The following BACH1 variants were observed in gnomAD, a reference collection of about 807,000 sequenced individuals.
The protein encoded by BACH1 is transcription regulator protein BACH1.
In BACH1, 35 loss-of-function variants were observed where a neutral mutation model predicts 52.9. That is an observed-to-expected ratio of 0.66 (90% confidence interval 0.51 to 0.88). The LOEUF is 0.88. Ranked by LOEUF, BACH1 falls within the 40% of genes least tolerant of loss-of-function variation. BACH1 has a pLI of 0.00. For missense variants in BACH1, 808 were observed against 872.6 expected (o/e 0.93, Z 0.93); for synonymous variants, 321 against 319.6 (o/e 1.00, Z -0.05).
rs1214554963 is a variant in BACH1 at position 29,343,730 on chromosome 21, G to A, written c.*897G>A. ...ATGTAAAGCTGTTCATTTTTCCACC[G>A]TGGGTCACCAATGCCAGAAAACCAG... On this transcript the variant is annotated 3_prime_UTR_variant, in exon 5 of 5. Coordinates refer to ENST00000286800, the MANE Select transcript of BACH1 (RefSeq NM_001186.4). 6.6e-6 allele frequency: 1 copy of A among 152,118 alleles called. No homozygotes were observed. The highest frequency in any genetic ancestry group is 2.4e-5 in the African/African-American group (1 of 41,424). The allele number at this position is 152,118 out of a possible 1,614,324, so 9.4% of individuals were successfully genotyped here.
At chr21:29,361,685 T>A (rs1052835984) in intron 2 of BACH1, 3 of 152,216 alleles carry the variant, frequency 2.0e-5, no homozygotes, top group African/African-American at 7.2e-5. Context: ...CTTCATTAAG[T>A]GAACAAACCA....
intron 2 of BACH1, chr21:29,361,354 C>G (rs1225833287): frequency 6.6e-6 from 1 of 152,066 alleles, no homozygotes; most frequent in Admixed American, 6.6e-5. Flanking sequence ...CTTGCTTTAT[C>G]TAGGTTTTGT....
At chr21:29,306,913 AT>A (rs544584148) in intron 1 of BACH1, among the ~76,000 whole-genome samples, 22 of 151,024 alleles carry the variant, frequency 1.5e-4, no homozygotes, top group African/African-American at 1.9e-4. Context: ...AGAAGAAATA[AT>A]TTTTTTTTTC....
At chr21:29,339,258 T>C (rs897323185) in intron 4 of BACH1, among the ~76,000 whole-genome samples, 1 of 152,222 alleles carries the variant, frequency 6.6e-6, no homozygotes, top group Non-Finnish European at 1.5e-5. Flanking sequence ...TGTGTGTCTG[T>C]CCACACCCTC....
intron 2 of BACH1, among the ~76,000 whole-genome samples, chr21:29,322,042 G>A (rs985242934): frequency 6.6e-6 from 1 of 152,164 alleles, no homozygotes; most frequent in African/African-American, 2.4e-5. Context: ...GTGGTGGTGG[G>A]CAAGAGAGAA....
intron 2 of BACH1, among the ~76,000 whole-genome samples, chr21:29,325,821 A>G (rs1361838325): frequency 6.6e-6 from 1 of 152,176 alleles, no homozygotes; most frequent in South Asian, 2.1e-4. Context: ...ACCATAATTC[A>G]TGTGCAATTA....
intron 1 of BACH1, among the ~76,000 whole-genome samples, chr21:29,320,281 G>A (rs761397390): frequency 1.2e-4 from 19 of 152,182 alleles, no homozygotes; most frequent in African/African-American, 2.4e-5. Context: ...CTTTCCGGCC[G>A]TAGGGTGCTG....
intron 1 of BACH1, among the ~76,000 whole-genome samples, chr21:29,303,011 T>C (rs148218823): frequency 6.6e-6 from 1 of 152,356 alleles, no homozygotes; most frequent in East Asian, 1.9e-4. Flanking sequence ...TTCCACGTTG[T>C]AGTTGACATT....
intron 1 of BACH1, among the ~76,000 whole-genome samples, chr21:29,308,168 A>G (rs906338976): frequency 4.6e-5 from 7 of 152,240 alleles, no homozygotes; most frequent in African/African-American, 1.7e-4. Context: ...TGGTTATGAT[A>G]TAATGAAAAG....
At chr21:29,358,391 C>T (rs2089247654) in intron 2 of BACH1, among the ~76,000 whole-genome samples, 1 of 152,202 alleles carries the variant, frequency 6.6e-6, no homozygotes, top group African/African-American at 2.4e-5. Context: ...ACTTTGGAGG[C>T]AACCTGTGTG....
At chr21:29,357,684 AG>A (rs1467234777) in intron 2 of BACH1, among the ~76,000 whole-genome samples, 1 of 152,190 alleles carries the variant, frequency 6.6e-6, no homozygotes, top group African/African-American at 2.4e-5. Flanking sequence ...TTCCTTACTT[AG>A]GTATGCCACT....
At chr21:29,358,675 G>T (rs1025531982) in intron 2 of BACH1, among the ~76,000 whole-genome samples, 1 of 151,908 alleles carries the variant, frequency 6.6e-6, no homozygotes, top group Non-Finnish European at 1.5e-5. Context: ...AGGAGGCAGA[G>T]GTTGCAGTAA....
In BACH1 at chr21:29,326,961, T is replaced by C; in HGVS notation, c.1137T>C (p.Ser379=). ...LKSDLGTRED[S]SVASSDRSSV... Reference sequence around the variant, plus strand: ...CCGACTTGGGCACCAGGGAAGATAGTAGTGTTGCATCTAGTGATAGGAGTA... The same window carrying C: ...CCGACTTGGGCACCAGGGAAGATAGCAGTGTTGCATCTAGTGATAGGAGTA... The change falls in exon 3 of 5, where the codon AGT becomes AGC. Residue 379 remains serine (S), a synonymous_variant. Transcript: ENST00000286800. 1 of 1,614,136 alleles carries C rather than the reference T, an allele frequency of 6.2e-7. No homozygotes were observed. Among genetic ancestry groups the C allele is most frequent in the South Asian group, 1.1e-5 (1 of 91,076 alleles).
chr21:29,340,777 G>A (rs2089102006), intron 4 of BACH1, among the ~76,000 whole-genome samples: 1 of 151,976 alleles, frequency 6.6e-6, no homozygotes, highest in Non-Finnish European at 1.5e-5. Flanking sequence ...AAAAGAAATG[G>A]GTGTTGATTG....
chr21:29,316,020 T>C (rs768018709), intron 1 of BACH1, among the ~76,000 whole-genome samples: 12 of 152,178 alleles, frequency 7.9e-5, no homozygotes, highest in Non-Finnish European at 5.9e-5. Context: ...ATTGTACCCT[T>C]CTACATTGAG....
chr21:29,351,891 C>A, intron 2 of BACH1: 2 of 389,510 alleles, frequency 5.1e-6, no homozygotes, highest in Non-Finnish European at 1.0e-5. Flanking sequence ...AGACAGCTGC[C>A]AGCATACTTA....
chr21:29,326,399 A>C lies in BACH1; in HGVS notation c.575A>C (p.Asn192Thr). 3 of 1,614,228 alleles carry C rather than the reference A, an allele frequency of 1.9e-6. No individual in the cohort carries two copies. Among genetic ancestry groups the C allele is most frequent in the Non-Finnish European group, 2.5e-6 (3 of 1,180,036 alleles). Residue 192 changes from asparagine to threonine, a missense_variant, in exon 3 of 5, where the codon AAT (asparagine) becomes ACT (threonine). By Grantham distance (65) the Asn-to-Thr change is moderately conservative. Transcript: ENST00000286800. ...PQCKLRRYQGNAKASPPLQDS... is the reference protein window; with the variant it reads ...PQCKLRRYQGTAKASPPLQDS... The stretch of plus-strand genomic sequence containing the variant: ...TGTAAACTCCGCAGGTATCAAGGAA[A>C]TGCAAAAGCCTCACCTCCTCTACAA...
chr21:29,358,232 A>G (rs2089246739), intron 2 of BACH1, among the ~76,000 whole-genome samples: 1 of 152,218 alleles, frequency 6.6e-6, no homozygotes. Context: ...TCCAAACAAC[A>G]GTTACAGGGC....
intron 1 of BACH1, among the ~76,000 whole-genome samples, chr21:29,309,876 T>C (rs2088700482): frequency 6.6e-6 from 1 of 152,192 alleles, no homozygotes; most frequent in South Asian, 2.1e-4. Flanking sequence ...TTCAGAGGGC[T>C]TCGTGAGACA....
Sources: allele counts gnomAD v4.1 joint callset (sites outside exome capture counted in the v4.1 genomes callset), GRCh38; gene constraint gnomAD v4.1.1; transcripts MANE v1.5; gene names NCBI Gene and HGNC (gene_info 2026-07-23, HGNC 2026-07-21).